Variants in TNRC18 observed in about 807,000 individuals in gnomAD.
TNRC18 encodes trinucleotide repeat-containing gene 18 protein.
TNRC18 carries 69 observed loss-of-function variants against 226.7 expected under a neutral mutation model. That is an observed-to-expected ratio of 0.30 (90% CI 0.25 to 0.37). TNRC18 has a LOEUF of 0.37. Ranked by LOEUF, TNRC18 falls within the 10% of genes least tolerant of loss-of-function variation. TNRC18 has a pLI of 1.00. For synonymous variants in TNRC18, 2,449 were observed against 1,927.6 expected, an observed-to-expected ratio of 1.27 and a Z score of -7.09; for missense variants, 4,754 against 4,256.6, an observed-to-expected ratio of 1.12 and a Z score of -3.25.
intron 2 of TNRC18, among the ~76,000 whole-genome samples, chr7:5,403,561 G>C (rs1781257640): frequency 6.6e-6 from 1 of 151,184 alleles, no homozygotes; most frequent in African/African-American, 2.5e-5. Context: ...GGGAGGCTGA[G>C]GCAGGAGTCG....
At chr7:5,376,272 CACCATGCCCATT>C in intron 8 of TNRC18, 48 bp from the exon 9 acceptor site, 1 of 1,385,024 alleles carries the variant, frequency 7.2e-7, no homozygotes, top group Non-Finnish European at 9.5e-7. Context: ...GATGCTCCAC[CACCATGCCCATT>C]ACGAGGGGAA....
chr7:5,390,269 T>G, intron 4 of TNRC18: 2 of 561,008 alleles, frequency 3.6e-6, no homozygotes, highest in Non-Finnish European at 3.1e-6. Context: ...GGGGGCTGAG[T>G]CAGGTGCATC....
intron 24 of TNRC18, among the ~76,000 whole-genome samples, chr7:5,316,274 C>CTCTT (rs1405579367): frequency 9.2e-5 from 8 of 86,552 alleles, no homozygotes; most frequent in African/African-American, 3.3e-4. Flanking sequence ...AGAAATGGGT[C>CTCTT]TTTTTTTTTT....
chr7:5,321,107 C>T lies in TNRC18; in HGVS notation c.6526G>A (p.Ala2176Thr), dbSNP rs965070105. 4 of 1,554,220 alleles carry T rather than the reference C, an allele frequency of 2.6e-6. No homozygotes were observed. The highest frequency in any genetic ancestry group is 1.2e-5 in the South Asian group (1 of 84,184). Residue 2176 changes from alanine (A) to threonine (T), a missense_variant, in exon 22 of 30, where the codon GCC (alanine) becomes ACC (threonine). Ala to Thr is a moderately conservative substitution (Grantham distance 58, BLOSUM62 0). Transcript: ENST00000430969. ...LIPMDDKLLY[A>T]GHVQTVHSPD... ...GAGTGCACGGTCTGCACGTGCCCGGCGTACAGCAGCTTGTCATCCATGGGG... is the reference window on the plus strand; with the variant it reads ...GAGTGCACGGTCTGCACGTGCCCGGTGTACAGCAGCTTGTCATCCATGGGG...
At chr7:5,381,728 G>A (rs1779410317) in intron 5 of TNRC18, among the ~76,000 whole-genome samples, 1 of 152,190 alleles carries the variant, frequency 6.6e-6, no homozygotes, top group Non-Finnish European at 1.5e-5. Flanking sequence ...CACTTTGGGA[G>A]GCCAAGGTGG....
chr7:5,390,592 T>G lies in TNRC18; in HGVS notation c.380A>C (p.Tyr127Ser). ...GGGCTCCAGGTGGTTCAGGTGGAGG[T>G]AGGATGGGTACAGCCCACTGGGCAG... ...SHLPSGLYPSYLHLNHLEPPS... is the reference protein window; with the variant it reads ...SHLPSGLYPSSLHLNHLEPPS... Residue 127 changes from tyrosine to serine, a missense_variant, in exon 4 of 30, where the codon TAC becomes TCC. Transcript: ENST00000430969. 3.1e-6 allele frequency: 5 copies of G among 1,610,862 alleles called. No homozygotes were observed. The highest frequency in any genetic ancestry group is 4.2e-6 in the Non-Finnish European group (5 of 1,178,726).
chr7:5,354,789 C>T (rs1210813165), intron 16 of TNRC18, among the ~76,000 whole-genome samples: 1 of 152,196 alleles, frequency 6.6e-6, no homozygotes, highest in Non-Finnish European at 1.5e-5. Flanking sequence ...CCAGGTGCCA[C>T]GTTCAGCTCT....
chr7:5,355,481 G>A (rs1373391385), intron 16 of TNRC18, among the ~76,000 whole-genome samples: 1 of 152,214 alleles, frequency 6.6e-6, no homozygotes, highest in Non-Finnish European at 1.5e-5. Flanking sequence ...AAAAATAGTA[G>A]TAGTGTGCGC....
chr7:5,372,988 G>A (rs940933727), intron 10 of TNRC18, among the ~76,000 whole-genome samples: 1 of 151,920 alleles, frequency 6.6e-6, no homozygotes, highest in Middle Eastern at 3.2e-3. Flanking sequence ...GAGAAACCCC[G>A]TCTCTACTAA....
At chr7:5,403,202 C>T (rs1237991148) in intron 2 of TNRC18, among the ~76,000 whole-genome samples, 2 of 151,666 alleles carry the variant, frequency 1.3e-5, no homozygotes, top group Non-Finnish European at 2.9e-5. Context: ...CACTTGTTGC[C>T]CAGGCTGGAG....
intron 19 of TNRC18, among the ~76,000 whole-genome samples, chr7:5,331,280 T>C (rs754943005): frequency 3.9e-5 from 6 of 151,916 alleles, no homozygotes; most frequent in Non-Finnish European, 7.4e-5. Context: ...CGCATCCAAA[T>C]AGGAGGAGGA....
chr7:5,311,148 TTG>T (rs1368389072), intron 27 of TNRC18, among the ~76,000 whole-genome samples: 26 of 152,350 alleles, frequency 1.7e-4, no homozygotes, highest in Middle Eastern at 3.4e-3. Flanking sequence ...ATACTTGCTT[TTG>T]TGTGTGGCTG....
chr7:5,343,814 C>T (rs144532952), intron 18 of TNRC18, among the ~76,000 whole-genome samples: 11 of 152,176 alleles, frequency 7.2e-5, no homozygotes, highest in Non-Finnish European at 1.3e-4. Flanking sequence ...ATAGTTTAAA[C>T]GTAATTTTAT....
intron 16 of TNRC18, among the ~76,000 whole-genome samples, chr7:5,354,063 T>C (rs2128150069): frequency 6.6e-6 from 1 of 151,894 alleles, no homozygotes; most frequent in South Asian, 2.1e-4. Flanking sequence ...ATTAGCTGGG[T>C]GTGGTGGTGC....
chr7:5,410,253 A>G (rs1311566028), intron 2 of TNRC18, among the ~76,000 whole-genome samples: 1 of 149,482 alleles, frequency 6.7e-6, no homozygotes, highest in Non-Finnish European at 1.5e-5. Context: ...AGAGGTTGCA[A>G]TGAGCCAAGA....
intron 11 of TNRC18, among the ~76,000 whole-genome samples, chr7:5,369,549 A>G (rs935633083): frequency 6.6e-6 from 1 of 152,110 alleles, no homozygotes; most frequent in Non-Finnish European, 1.5e-5. Context: ...AGGCCAACAG[A>G]GAGAAAAGTC....
chr7:5,331,088 T>A (rs1309060268), intron 19 of TNRC18, among the ~76,000 whole-genome samples: 1 of 152,212 alleles, frequency 6.6e-6, no homozygotes, highest in Non-Finnish European at 1.5e-5. Flanking sequence ...TGCCTATGGA[T>A]GGTGCTTACA....
chr7:5,409,695 A>C (rs1341790279), intron 2 of TNRC18, among the ~76,000 whole-genome samples: 1 of 151,844 alleles, frequency 6.6e-6, no homozygotes, highest in Non-Finnish European at 1.5e-5. Context: ...ATACAAAAGA[A>C]GGCCAGGCGC....
chr7:5,402,747 G>A (rs1448782484), intron 2 of TNRC18, among the ~76,000 whole-genome samples: 4 of 151,724 alleles, frequency 2.6e-5, no homozygotes, highest in South Asian at 4.2e-4. Flanking sequence ...CCAGCTACTC[G>A]GGAGGCTGAG....
Sources: gnomAD v4.1 joint callset for allele counts (sites outside exome capture counted in the v4.1 genomes callset) on GRCh38, gnomAD v4.1.1 for gene constraint, MANE v1.5 for transcripts, NCBI Gene and HGNC (gene_info 2026-07-23, HGNC 2026-07-21) for gene names.